Variants in XKR4 observed in about 807,000 individuals in gnomAD.
XKR4 encodes XK-related protein 4.
XKR4 carries 12 observed loss-of-function variants against 53.9 expected under a neutral mutation model. The observed-to-expected ratio is 0.22, with a 90% CI of 0.14 to 0.36. The LOEUF (loss-of-function observed/expected upper bound fraction) is 0.36. Among genes scored for constraint, XKR4 ranks in the 10% least tolerant of loss-of-function variants. The pLI is 1.00. For synonymous variants in XKR4, 354 were observed against 362.4 expected (o/e 0.98, Z 0.26); for missense variants, 799 against 859.5 (o/e 0.93, Z 0.88).
At chr8:55,500,533 A>C (rs558304729) in intron 2 of XKR4, among the ~76,000 whole-genome samples, 1 of 152,318 alleles carries the variant, frequency 6.6e-6, no homozygotes, top group South Asian at 2.1e-4. Flanking sequence ...AGGATCTTAC[A>C]GTCTAGCTCA....
chr8:55,382,414 C>G (rs938723096), intron 2 of XKR4, among the ~76,000 whole-genome samples: 6 of 152,114 alleles, frequency 3.9e-5, no homozygotes, highest in African/African-American at 1.4e-4. Context: ...AAATATGATA[C>G]TGAATTACTG....
intron 1 of XKR4, among the ~76,000 whole-genome samples, chr8:55,323,346 T>C (rs1037162965): frequency 6.6e-6 from 1 of 152,164 alleles, no homozygotes; most frequent in Non-Finnish European, 1.5e-5. Flanking sequence ...CCCTTTGCGG[T>C]CAATCCTAAC....
chr8:55,312,186 GT>G (rs5891568), intron 1 of XKR4, among the ~76,000 whole-genome samples: 54,250 of 147,018 alleles, frequency 0.37, 10,568 homozygotes, highest in East Asian at 0.62. Context: ...CTCTGACTCT[GT>G]TTTTTTTTTT....
intron 1 of XKR4, among the ~76,000 whole-genome samples, chr8:55,176,598 G>C (rs1203690130): frequency 6.6e-6 from 1 of 152,208 alleles, no homozygotes; most frequent in Admixed American, 6.5e-5. Flanking sequence ...ACAAGACATT[G>C]TTACTCTAGA....
rs534101085 is a variant in XKR4, at chr8:55,315,855, A to G, written c.807-41823A>G. ...TTTTCCATGCTCTTCTCCAAGTAAA[A>G]ACCTTAACACAGGAACATGATAGCA... On this transcript the variant is annotated intron_variant, in intron 1 of 2. Transcript: ENST00000327381. Among the ~76,000 whole-genome samples, 57 of 152,234 alleles carry G rather than the reference A, an allele frequency of 3.7e-4. 2 individuals carry two copies. In the South Asian group the frequency reaches 0.011, roughly 30 times the overall value.
At chr8:55,303,857 T>C (rs565795269) in intron 1 of XKR4, among the ~76,000 whole-genome samples, 1 of 152,294 alleles carries the variant, frequency 6.6e-6, no homozygotes, top group East Asian at 1.9e-4. Context: ...CCTTTATCAT[T>C]TTTTATTGCA....
rs768372414 is a variant in XKR4 at position 55,449,589 on chromosome 8, C to T, written c.1007-73692C>T. 3.1e-6 allele frequency: 4 copies of T among 1,285,478 alleles called. No individual in the cohort carries two copies. In the East Asian group the frequency reaches 7.0e-5, roughly 22 times the overall value. 79.6% of individuals were successfully genotyped at this position (1,285,478 alleles called of 1,614,324 possible). On this transcript the variant is annotated intron_variant, in intron 2 of 2. Coordinates refer to ENST00000327381, the MANE Select transcript of XKR4 (RefSeq NM_052898.2). ...ACGTCCTGGGCACAAAAGTCGTAAA[C>T]GCGAGGAGTTGTCTTCACGTCAAAG...
intron 2 of XKR4, among the ~76,000 whole-genome samples, chr8:55,497,126 A>C (rs1417754281): frequency 1.3e-5 from 2 of 152,202 alleles, no homozygotes; most frequent in African/African-American, 4.8e-5. Flanking sequence ...TATGAGAAAT[A>C]TTTTTGAGCT....
At chr8:55,190,040 T>C (rs542374790) in intron 1 of XKR4, among the ~76,000 whole-genome samples, 1 of 152,366 alleles carries the variant, frequency 6.6e-6, no homozygotes, top group Admixed American at 6.5e-5. Flanking sequence ...ACCGGGAGTA[T>C]ATTGCTAGAC....
At chr8:55,403,608 T>A (rs1804640835) in intron 2 of XKR4, among the ~76,000 whole-genome samples, 1 of 152,240 alleles carries the variant, frequency 6.6e-6, no homozygotes, top group African/African-American at 2.4e-5. Flanking sequence ...ACTGTATTAA[T>A]CACTCAAGTC....
At chr8:55,184,687 AG>A (rs1817354400) in intron 1 of XKR4, among the ~76,000 whole-genome samples, 1 of 152,222 alleles carries the variant, frequency 6.6e-6, no homozygotes, top group Non-Finnish European at 1.5e-5. Flanking sequence ...GTGTTAAATA[AG>A]GGTGGTGATG....
intron 1 of XKR4, among the ~76,000 whole-genome samples, chr8:55,347,850 T>C (rs1162249712): frequency 6.6e-6 from 1 of 152,238 alleles, no homozygotes; most frequent in African/African-American, 2.4e-5. Context: ...GCTGTGTATA[T>C]GGCTTTCTGT....
chr8:55,441,242 G>GA (rs11393915), intron 2 of XKR4, among the ~76,000 whole-genome samples: 48,865 of 151,220 alleles, frequency 0.32, 8,010 homozygotes, highest in African/African-American at 0.37. Context: ...CCTGTCTCAA[G>GA]AAAAAACATA....
chr8:55,187,051 G>A (rs1351652362), intron 1 of XKR4, among the ~76,000 whole-genome samples: 3 of 151,936 alleles, frequency 2.0e-5, no homozygotes, highest in Non-Finnish European at 4.4e-5. Flanking sequence ...TTAGGTCTGA[G>A]AGAATGTGTA....
intron 1 of XKR4, among the ~76,000 whole-genome samples, chr8:55,298,680 G>C (rs934173860): frequency 1.3e-5 from 2 of 152,002 alleles, no homozygotes; most frequent in Non-Finnish European, 2.9e-5. Flanking sequence ...TATTTGGAGG[G>C]GACAAACGTC....
At chr8:55,405,794 T>A (rs1804671099) in intron 2 of XKR4, among the ~76,000 whole-genome samples, 1 of 152,218 alleles carries the variant, frequency 6.6e-6, no homozygotes, top group South Asian at 2.1e-4. Context: ...CATTTTACAA[T>A]GATCATTTCA....
At chr8:55,201,454 G>A (rs1368982938) in intron 1 of XKR4, among the ~76,000 whole-genome samples, 1 of 152,212 alleles carries the variant, frequency 6.6e-6, no homozygotes, top group East Asian at 1.9e-4. Context: ...AGACTGGAGA[G>A]TAATTTAAAA....
chr8:55,233,134 A>AT (rs1233091205), intron 1 of XKR4, among the ~76,000 whole-genome samples: 1 of 152,202 alleles, frequency 6.6e-6, no homozygotes, highest in African/African-American at 2.4e-5. Flanking sequence ...CACTCAATTG[A>AT]AAGGGGGAAT....
At chr8:55,467,462 G>A (rs542826204) in intron 2 of XKR4, among the ~76,000 whole-genome samples, 2 of 152,286 alleles carry the variant, frequency 1.3e-5, no homozygotes, top group Admixed American at 1.3e-4. Flanking sequence ...CTCAAGGGGA[G>A]TGGATTGCAC....
Sources: gnomAD v4.1 joint callset for allele counts (sites outside exome capture counted in the v4.1 genomes callset) on GRCh38, gnomAD v4.1.1 for gene constraint, MANE v1.5 for transcripts, NCBI Gene and HGNC (gene_info 2026-07-23, HGNC 2026-07-21) for gene names.